Variants in CRTC1 observed in about 807,000 individuals in gnomAD.
CRTC1 encodes the protein CREB-regulated transcription coactivator 1.
CRTC1 carries 18 observed loss-of-function variants against 66.1 expected under a neutral mutation model. That is an observed-to-expected ratio of 0.27 (90% CI 0.19 to 0.40). The LOEUF is 0.40. CRTC1 is among the 10% of genes least tolerant of loss of function. The pLI, the probability that CRTC1 is intolerant of heterozygous loss-of-function variation, is 1.00. For missense variants in CRTC1, 669 were observed against 887.9 expected (o/e 0.75, Z 3.13); for synonymous variants, 416 against 398.8 (o/e 1.04, Z -0.51).
At chr19:18,684,362 C>T (rs780727708) in intron 1 of CRTC1, among the ~76,000 whole-genome samples, 2 of 152,112 alleles carry the variant, frequency 1.3e-5, no homozygotes, top group Non-Finnish European at 2.9e-5. Context: ...AGATGCCCTC[C>T]CATTCTTGCT....
chr19:18,748,841 G>A (rs1372455287), intron 4 of CRTC1, among the ~76,000 whole-genome samples: 1 of 151,952 alleles, frequency 6.6e-6, no homozygotes, highest in East Asian at 1.9e-4. Context: ...TTCTCACCAA[G>A]CCCGTATCAT....
chr19:18,694,328 C>A (rs368451529), intron 1 of CRTC1, among the ~76,000 whole-genome samples: 1 of 149,282 alleles, frequency 6.7e-6, no homozygotes, highest in Admixed American at 6.7e-5. Flanking sequence ...GAAGAAGAGA[C>A]GAAGAAAAAA....
rs1469385074 is a variant in CRTC1, at chr19:18,741,539, C to T, written c.127-1371C>T. On this transcript the variant is annotated intron_variant, in intron 1 of 13. Coordinates refer to ENST00000321949, the MANE Select transcript of CRTC1 (RefSeq NM_015321.3). This position sits in a 1 kb window ranked among gnomAD's most constrained non-coding sequence, Gnocchi z 4.2. ...CACGGGAGGCCACAGGCGACCTATG[C>T]CCAGGTAGGTGTGGGGTGGGAGCTG... Among the ~76,000 whole-genome samples the T allele has an allele frequency of 6.6e-6, 1 of 152,178 alleles. No individual in the cohort carries two copies. Among genetic ancestry groups the T allele is most frequent in the Non-Finnish European group, 1.5e-5 (1 of 68,028 alleles).
intron 8 of CRTC1, among the ~76,000 whole-genome samples, chr19:18,763,955 T>C (rs1457891268): frequency 6.6e-6 from 1 of 152,156 alleles, no homozygotes; most frequent in African/African-American, 2.4e-5. Context: ...CATCCTCCCG[T>C]CCAGGCCTCT....
chr19:18,727,301 G>A (rs1331610943), intron 1 of CRTC1, among the ~76,000 whole-genome samples: 1 of 151,408 alleles, frequency 6.6e-6, no homozygotes, highest in African/African-American at 2.4e-5. Flanking sequence ...AAAGGACAAG[G>A]TCAGGCACGG....
At position 18,683,841 on chromosome 19, in the gene CRTC1, CCCG is replaced by C. The variant is rs1384980542; in HGVS notation, c.126+15_126+17del. Reference sequence around the variant, plus strand: ...GCGGGCCGCGCGGGTAAGGGGGCTGCCCGCGCCGACCCTTCAGGGCCGGCGGAG... The same window carrying C: ...GCGGGCCGCGCGGGTAAGGGGGCTGCCGCCGACCCTTCAGGGCCGGCGGAG... On this transcript the variant is annotated intron_variant, in intron 1 of 13. Transcript: ENST00000321949. 1 of 1,233,260 alleles carries C rather than the reference CCCG, an allele frequency of 8.1e-7. No individual in the cohort carries two copies. Among genetic ancestry groups the C allele is most frequent in the South Asian group, 1.7e-5 (1 of 58,888 alleles). 76.4% of individuals were successfully genotyped at this position (1,233,260 alleles called of 1,614,324 possible).
intron 1 of CRTC1, among the ~76,000 whole-genome samples, chr19:18,702,812 A>T (rs1472600636): frequency 1.3e-5 from 2 of 151,930 alleles, no homozygotes; most frequent in Non-Finnish European, 2.9e-5. Flanking sequence ...GGGATTACAC[A>T]GGAGATAGTC....
chr19:18,753,425 G>A (rs1039081524), intron 5 of CRTC1, 75 bp from the exon 6 acceptor site: 1 of 1,076,086 alleles, frequency 9.3e-7, no homozygotes, highest in Non-Finnish European at 1.4e-6. Context: ...TCAGGGACGT[G>A]TCCTCCTGGT....
intron 1 of CRTC1, among the ~76,000 whole-genome samples, chr19:18,698,092 A>G (rs2053036083): frequency 6.6e-6 from 1 of 151,752 alleles, no homozygotes; most frequent in Admixed American, 6.6e-5. Flanking sequence ...CGGCAGGCAC[A>G]CGGTAGGTGC....
chr19:18,768,420 G>T lies in CRTC1; in HGVS notation c.1012-65G>T. ...GCCTGCTGAGCATGCCAGGCTATGGGGGCCCGAGGGGGCCAGGCGCTGACA... is the reference window on the plus strand; with the variant it reads ...GCCTGCTGAGCATGCCAGGCTATGGTGGCCCGAGGGGGCCAGGCGCTGACA... On this transcript the variant is annotated intron_variant, in intron 9 of 13. Coordinates refer to ENST00000321949, the MANE Select transcript of CRTC1 (RefSeq NM_015321.3). The surrounding 1 kb of genome is among the most constrained non-coding windows in gnomAD (Gnocchi z 5.6). 7.2e-7 allele frequency: 1 copy of T among 1,396,334 alleles called. No homozygotes were observed. 86.5% of individuals were successfully genotyped at this position (1,396,334 alleles called of 1,614,324 possible). A position where few individuals can be genotyped will look rare whatever the true frequency, so the allele number is the denominator to read the frequency against.
At chr19:18,745,340 C>T (rs1027250249) in intron 2 of CRTC1, among the ~76,000 whole-genome samples, 1 of 152,206 alleles carries the variant, frequency 6.6e-6, no homozygotes, top group South Asian at 2.1e-4. Context: ...CGCGCTTGGC[C>T]AGGTGGGCCC....
intron 10 of CRTC1, among the ~76,000 whole-genome samples, chr19:18,770,112 C>T (rs2054828571): frequency 6.6e-6 from 1 of 151,800 alleles, no homozygotes; most frequent in African/African-American, 2.4e-5. Flanking sequence ...GGCCCTGGAC[C>T]GGTCAGGCTG....
chr19:18,697,804 C>A (rs186931492), intron 1 of CRTC1, among the ~76,000 whole-genome samples: 1 of 152,234 alleles, frequency 6.6e-6, no homozygotes, highest in Non-Finnish European at 1.5e-5. Flanking sequence ...CATGGTGTAC[C>A]CAGTTGGCAC....
chr19:18,716,296 A>G (rs1426991580), intron 1 of CRTC1, among the ~76,000 whole-genome samples: 1 of 151,106 alleles, frequency 6.6e-6, no homozygotes, highest in Non-Finnish European at 1.5e-5. Context: ...TCTGTCACCC[A>G]GGCTGGAGTG....
At position 18,747,132 on chromosome 19, in the gene CRTC1, C is replaced by CG. The variant is rs1568519932; in HGVS notation, c.443+18_443+19insG. 4 of 803,814 alleles carry CG rather than the reference C, an allele frequency of 5.0e-6. No homozygotes were observed. Among genetic ancestry groups the CG allele is most frequent in the Middle Eastern group, 2.6e-4 (1 of 3,792 alleles). The allele number at this position is 803,814 out of a possible 1,614,324, so 49.8% of individuals were successfully genotyped here. Reference sequence around the variant, plus strand: ...TGGAGAAGGTCAGTGGCTGGACACCCCCCCCCCGCCCCCTTCTTGTTGGAA... The same window carrying CG: ...TGGAGAAGGTCAGTGGCTGGACACCCGCCCCCCCGCCCCCTTCTTGTTGGAA... On this transcript the variant is annotated intron_variant, in intron 4 of 13. Coordinates refer to ENST00000321949, the MANE Select transcript of CRTC1 (RefSeq NM_015321.3).
At chr19:18,707,437 T>C (rs1182267583) in intron 1 of CRTC1, among the ~76,000 whole-genome samples, 1 of 152,202 alleles carries the variant, frequency 6.6e-6, no homozygotes, top group Non-Finnish European at 1.5e-5. Flanking sequence ...TTCTGGGCTT[T>C]TATTCTATTC....
intron 8 of CRTC1, among the ~76,000 whole-genome samples, 176 bp from the exon 9 acceptor site, chr19:18,765,228 C>T (rs1480578566): frequency 6.6e-6 from 1 of 152,154 alleles, no homozygotes; most frequent in African/African-American, 2.4e-5. Context: ...GTGGGACCCT[C>T]GGGTCAGGAA....
chr19:18,709,740 C>T (rs575500931), intron 1 of CRTC1, among the ~76,000 whole-genome samples: 77 of 152,266 alleles, frequency 5.1e-4, no homozygotes, highest in African/African-American at 1.6e-3. Flanking sequence ...CAGCCTGGAA[C>T]GCAGCCAGGA....
chr19:18,775,514 T>C, intron 12 of CRTC1, 127 bp from the exon 13 acceptor site: 3 of 838,754 alleles, frequency 3.6e-6, no homozygotes, highest in Non-Finnish European at 5.3e-6. Flanking sequence ...GCAGCCTGGG[T>C]GCCGAGCATC....
Sources: allele counts gnomAD v4.1 joint callset (sites outside exome capture counted in the v4.1 genomes callset), GRCh38; gene constraint gnomAD v4.1.1; non-coding constraint Gnocchi (gnomAD v3.1); transcripts MANE v1.5; gene names NCBI Gene and HGNC (gene_info 2026-07-23, HGNC 2026-07-21).